Variants in SERGEF observed in about 807,000 individuals in gnomAD.
SERGEF encodes secretion-regulating guanine nucleotide exchange factor.
A neutral mutation model predicts 50.0 loss-of-function variants in SERGEF; 51 were observed. That is an observed-to-expected ratio of 1.02 (90% CI 0.81 to 1.29). The LOEUF is 1.29. Ranked by LOEUF, SERGEF falls within the 50% of genes most tolerant of loss-of-function variation. SERGEF has a pLI of 0.00. For synonymous variants in SERGEF, 205 were observed against 212.4 expected (o/e 0.97, Z 0.30); for missense variants, 521 against 557.0 (o/e 0.94, Z 0.65).
intron 10 of SERGEF, among the ~76,000 whole-genome samples, chr11:17,792,474 G>T (rs529477988): frequency 6.6e-6 from 1 of 152,334 alleles, no homozygotes; most frequent in African/African-American, 2.4e-5. Flanking sequence ...CAGCACAGTG[G>T]GAAGCTGGCA....
intron 8 of SERGEF, among the ~76,000 whole-genome samples, chr11:17,983,377 A>AT (rs572114757): frequency 1.9e-4 from 29 of 152,268 alleles, no homozygotes; most frequent in African/African-American, 6.7e-4. Flanking sequence ...AGACATTCAC[A>AT]TCCAGCCCCA....
chr11:17,817,307 C>G (rs1395730605), intron 10 of SERGEF, among the ~76,000 whole-genome samples: 1 of 151,764 alleles, frequency 6.6e-6, no homozygotes, highest in East Asian at 1.9e-4. Flanking sequence ...TTCCGCCTCC[C>G]GGGTTCATGC....
chr11:17,958,852 T>C (rs1318449182), intron 9 of SERGEF, among the ~76,000 whole-genome samples: 3 of 152,042 alleles, frequency 2.0e-5, no homozygotes, highest in African/African-American at 7.3e-5. Context: ...TTTTCTTTTT[T>C]TGTTGTTTTT....
chr11:17,988,452 G>A (rs1025244781), intron 8 of SERGEF, 145 bp downstream of exon 8: 3 of 711,532 alleles, frequency 4.2e-6, no homozygotes, highest in Non-Finnish European at 4.3e-6. Context: ...ATATCTGGCT[G>A]GTGGCAGAAC....
chr11:17,998,440 CATATATATATATATATATATATATAT>C (rs60861006), intron 5 of SERGEF, among the ~76,000 whole-genome samples: 24 of 33,750 alleles, frequency 7.1e-4, no homozygotes, highest in Middle Eastern at 0.014. Flanking sequence ...TACATACATA[CATATATATATATATATATATATATAT>C]ATATATATAT....
Position 17,888,713 on chromosome 11 carries a change from G to A in SERGEF, c.1012-10469C>T, listed in dbSNP as rs1313087321. Among the ~76,000 whole-genome samples, 1 of 150,966 alleles carries A rather than the reference G, an allele frequency of 6.6e-6. No individual in the cohort carries two copies. The highest frequency in any genetic ancestry group is 1.5e-5 in the Non-Finnish European group (1 of 67,878). On this transcript the variant is annotated intron_variant, in intron 9 of 10. Coordinates refer to ENST00000265965, the MANE Select transcript of SERGEF (RefSeq NM_012139.4). The surrounding 1 kb of genome is among the most constrained non-coding windows in gnomAD (Gnocchi z 4.1). ...TAAACCAACATGAAATTGCCCAGCA[G>A]CACTGACACCCCAGCAGCAATGAGT...
intron 4 of SERGEF, 74 bp downstream of exon 4, chr11:18,004,367 C>T: frequency 9.1e-7 from 1 of 1,098,936 alleles, no homozygotes; most frequent in South Asian, 1.4e-5. Flanking sequence ...GCCTTTTATT[C>T]TGGGGAGAGA....
chr11:17,963,388 A>G (rs1167922711), intron 8 of SERGEF, among the ~76,000 whole-genome samples: 4 of 148,880 alleles, frequency 2.7e-5, no homozygotes, highest in Non-Finnish European at 5.9e-5. Context: ...AAAAAAAAAA[A>G]AAAAAAATTT....
Position 17,991,331 on chromosome 11 carries a change from C to A in SERGEF, c.685+1600G>T, listed in dbSNP as rs1225697645. On this transcript the variant is annotated intron_variant, in intron 7 of 10. Coordinates refer to ENST00000265965, the MANE Select transcript of SERGEF (RefSeq NM_012139.4). The surrounding 1 kb of genome is among the most constrained non-coding windows in gnomAD (Gnocchi z 4.9). ...TATGAAATAACAAATTTACTACCAACAAGAATTTTTAAGAAGTTGAAGTTG... is the reference window on the plus strand; with the variant it reads ...TATGAAATAACAAATTTACTACCAAAAAGAATTTTTAAGAAGTTGAAGTTG... 6.6e-6 allele frequency among the ~76,000 whole-genome samples: 1 copy of A among 152,074 alleles called. No individual in the cohort carries two copies. The highest frequency in any genetic ancestry group is 1.5e-5 in the Non-Finnish European group (1 of 68,014).
intron 9 of SERGEF, among the ~76,000 whole-genome samples, chr11:17,952,896 C>G (rs1381916324): frequency 2.0e-5 from 3 of 152,152 alleles, no homozygotes; most frequent in Non-Finnish European, 4.4e-5. Context: ...TACCTGGCTT[C>G]CCTTCTCCCT....
At chr11:18,006,846 T>C in intron 2 of SERGEF, 100 bp from the exon 3 acceptor site, 1 of 1,390,180 alleles carries the variant, frequency 7.2e-7, no homozygotes, top group South Asian at 1.2e-5. Flanking sequence ...CTCAGACCAA[T>C]AACTTTTTTT....
chr11:17,846,487 T>C, intron 10 of SERGEF: 1 of 353,816 alleles, frequency 2.8e-6, no homozygotes, highest in Non-Finnish European at 5.6e-6. Context: ...CTGTCCTGAT[T>C]CAGATAAGTT....
chr11:18,010,197 A>G, intron 1 of SERGEF: 1 of 625,658 alleles, frequency 1.6e-6, no homozygotes, highest in South Asian at 1.8e-5. Context: ...ACATACTTAC[A>G]TACATACATA....
At chr11:17,933,061 C>T (rs1852385249) in intron 9 of SERGEF, among the ~76,000 whole-genome samples, 1 of 152,012 alleles carries the variant, frequency 6.6e-6, no homozygotes, top group African/African-American at 2.4e-5. Flanking sequence ...TGTTATCATC[C>T]AAATGCAATT....
chr11:17,926,949 C>A, intron 9 of SERGEF: 1 of 418,068 alleles, frequency 2.4e-6, no homozygotes, highest in Admixed American at 2.6e-5. Context: ...CCCCAACTCA[C>A]AGGACCTCTT....
intron 9 of SERGEF, among the ~76,000 whole-genome samples, chr11:17,904,257 C>T (rs1851799520): frequency 1.3e-5 from 2 of 152,216 alleles, no homozygotes; most frequent in African/African-American, 4.8e-5. Flanking sequence ...AAGTGAAGTC[C>T]TCAAGGAAAA....
At chr11:17,795,146 G>T (rs977706966) in intron 10 of SERGEF, among the ~76,000 whole-genome samples, 2 of 152,194 alleles carry the variant, frequency 1.3e-5, no homozygotes, top group Non-Finnish European at 2.9e-5. Context: ...AGGTTTGAGC[G>T]CCCTCATAGA....
At chr11:17,871,785 T>C (rs1422672030) in intron 10 of SERGEF, among the ~76,000 whole-genome samples, 3 of 152,160 alleles carry the variant, frequency 2.0e-5, no homozygotes, top group Non-Finnish European at 2.9e-5. Flanking sequence ...ATCTATAAGA[T>C]TGAAAATATC....
chr11:17,904,437 G>A (rs550659), intron 9 of SERGEF, among the ~76,000 whole-genome samples: 106,062 of 152,134 alleles, frequency 0.7, 37,666 homozygotes, highest in African/African-American at 0.83. Context: ...TTCGACTATA[G>A]CCACAGGCCC....
Sources: allele counts gnomAD v4.1 joint callset (sites outside exome capture counted in the v4.1 genomes callset), GRCh38; gene constraint gnomAD v4.1.1; non-coding constraint Gnocchi (gnomAD v3.1); transcripts MANE v1.5; gene names NCBI Gene and HGNC (gene_info 2026-07-23, HGNC 2026-07-21).